Variants in HESX1 observed in about 807,000 individuals in gnomAD.
The protein encoded by HESX1 is homeobox expressed in ES cells 1.
A neutral mutation model predicts 22.5 loss-of-function variants in HESX1; 11 were observed. The ratio of observed to expected loss-of-function variants is 0.49; its 90% CI spans 0.31 to 0.81. The LOEUF is 0.81. Among genes scored for constraint, HESX1 ranks in the 30% least tolerant of loss-of-function variants. HESX1 has a pLI of 0.05. For synonymous variants in HESX1, 74 were observed against 76.5 expected (o/e 0.97, Z 0.17); for missense variants, 201 against 212.6 (o/e 0.95, Z 0.34).
At chr3:57,198,630 TG>T in intron 2 of HESX1, 122 bp downstream of exon 2, 1 of 1,040,592 alleles carries the variant, frequency 9.6e-7, no homozygotes, top group Non-Finnish European at 1.5e-6. Context: ...TGTTAAAATA[TG>T]GTAGTCTACT....
At chr3:57,201,670 T>TGGA (rs1195847932), upstream of HESX1, among the ~76,000 whole-genome samples, 3 of 150,566 alleles carry the variant, frequency 2.0e-5, no homozygotes, top group South Asian at 2.1e-4. Context: ...GTGCAGGAAG[T>TGGA]GGAGGGGTAG....
intron 1 of HESX1, among the ~76,000 whole-genome samples, chr3:57,216,784 TG>T (rs960662787): frequency 2.0e-5 from 3 of 152,234 alleles, no homozygotes; most frequent in African/African-American, 7.2e-5. Flanking sequence ...AGATGGTGTC[TG>T]CCAGGTTTCT....
At chr3:57,224,404 C>T (rs2060631273) in intron 1 of HESX1, among the ~76,000 whole-genome samples, 1 of 152,050 alleles carries the variant, frequency 6.6e-6, no homozygotes, top group Admixed American at 6.6e-5. Context: ...TCCCAAAGTG[C>T]TAGGATTACA....
At chr3:57,201,048 AT>A (rs2060482637), upstream of HESX1, among the ~76,000 whole-genome samples, 1 of 152,200 alleles carries the variant, frequency 6.6e-6, no homozygotes, top group Non-Finnish European at 1.5e-5. Flanking sequence ...CTGAAGATAA[AT>A]TTAAGTGCTT....
At position 57,198,065 on chromosome 3, in the gene HESX1, TA is replaced by T. The variant is rs2060458073; in HGVS notation, c.*131del. 4 of 707,462 alleles carry T rather than the reference TA, an allele frequency of 5.7e-6. No individual in the cohort carries two copies. Among genetic ancestry groups the T allele is most frequent in the South Asian group, 5.1e-5 (3 of 59,300 alleles). 43.8% of individuals were successfully genotyped at this position (707,462 alleles called of 1,614,324 possible). On this transcript the variant is annotated 3_prime_UTR_variant, in exon 4 of 4. Transcript: ENST00000295934. ...TACCATGCTATAATAGTATTTACAA[TA>T]TATTTTCAGAAAAAATGACAATATT...
chr3:57,217,032 T>C (rs1270123305), intron 1 of HESX1, among the ~76,000 whole-genome samples: 2 of 152,194 alleles, frequency 1.3e-5, no homozygotes, highest in Admixed American at 6.5e-5. Flanking sequence ...GACATCATTT[T>C]TGAACACTTT....
chr3:57,209,749 A>G (rs6445862), intron 1 of HESX1, among the ~76,000 whole-genome samples: 149,393 of 151,656 alleles, frequency 0.99, 73,590 homozygotes, highest in East Asian at 0.99. Flanking sequence ...GTTCTGACAT[A>G]AGAACAGTAT....
intron 1 of HESX1, among the ~76,000 whole-genome samples, chr3:57,218,734 T>G (rs1476739211): frequency 1.3e-5 from 2 of 152,206 alleles, no homozygotes; most frequent in Non-Finnish European, 2.9e-5. Context: ...TGAGCCACCA[T>G]GCCCAGCCAA....
intron 1 of HESX1, among the ~76,000 whole-genome samples, chr3:57,211,974 GT>G (rs1347440942): frequency 2.0e-5 from 3 of 152,140 alleles, no homozygotes; most frequent in African/African-American, 4.8e-5. Context: ...TGATTACAAG[GT>G]TCAGGAGAGC....
At chr3:57,204,893 C>T (rs1447531989), upstream of HESX1, among the ~76,000 whole-genome samples, 1 of 151,552 alleles carries the variant, frequency 6.6e-6, no homozygotes, top group African/African-American at 2.4e-5. Context: ...GAGATAGGGA[C>T]AGAAGTGGTA....
chr3:57,203,348 T>C (rs1345917730), upstream of HESX1, among the ~76,000 whole-genome samples: 1 of 152,064 alleles, frequency 6.6e-6, no homozygotes, highest in African/African-American at 2.4e-5. Context: ...AGAGGGTAGA[T>C]TTGGAGAGAA....
chr3:57,220,052 C>T (rs536910738), intron 1 of HESX1, among the ~76,000 whole-genome samples: 102 of 152,300 alleles, frequency 6.7e-4, no homozygotes, highest in African/African-American at 2.4e-3. Flanking sequence ...CAATCTTCGA[C>T]ATATGGCTTG....
chr3:57,218,633 G>A (rs749279495), intron 1 of HESX1, among the ~76,000 whole-genome samples: 7 of 152,030 alleles, frequency 4.6e-5, no homozygotes, highest in Non-Finnish European at 7.4e-5. Context: ...TAGTTGAGAC[G>A]GGTTTTGCCA....
At chr3:57,204,186 TA>T (rs1449756396), upstream of HESX1, among the ~76,000 whole-genome samples, 3 of 152,206 alleles carry the variant, frequency 2.0e-5, no homozygotes, top group African/African-American at 7.2e-5. Context: ...CTTTTTATTT[TA>T]TTTTATGTTT....
intron 1 of HESX1, among the ~76,000 whole-genome samples, chr3:57,199,542 C>T (rs185073164): frequency 2.6e-5 from 4 of 151,830 alleles, no homozygotes; most frequent in African/African-American, 7.2e-5. Context: ...TCGTTTGAAC[C>T]CAGGAGGCGG....
At position 57,198,133 on chromosome 3, in the gene HESX1, A is replaced by C; in HGVS notation, c.*64T>G. On this transcript the variant is annotated 3_prime_UTR_variant, in exon 4 of 4. Transcript: ENST00000295934. ...AAGAAAACATCACATTTTAACACTT[A>C]ATATTTCCACTGATTCTTCATGCTC... 9.8e-7 allele frequency: 1 copy of C among 1,016,902 alleles called. No homozygotes were observed. The highest frequency in any genetic ancestry group is 1.3e-5 in the South Asian group (1 of 76,218). 63.0% of individuals were successfully genotyped at this position (1,016,902 alleles called of 1,614,324 possible).
chr3:57,214,993 C>T (rs957498098), intron 1 of HESX1, among the ~76,000 whole-genome samples: 1 of 152,022 alleles, frequency 6.6e-6, no homozygotes, highest in Non-Finnish European at 1.5e-5. Flanking sequence ...TGAATTACTT[C>T]AGAATTAAGA....
At chr3:57,219,981 T>C (rs536025507) in intron 1 of HESX1, among the ~76,000 whole-genome samples, 113 of 152,242 alleles carry the variant, frequency 7.4e-4, no homozygotes, top group Non-Finnish European at 1.2e-3. Context: ...GGGTTTTACA[T>C]TTAAGTCTTC....
chr3:57,202,332 G>GT (rs2060495159), upstream of HESX1, among the ~76,000 whole-genome samples: 1 of 151,708 alleles, frequency 6.6e-6, no homozygotes. Flanking sequence ...ACAGATTTTT[G>GT]TTTGTTTGTT....
Sources: gnomAD v4.1 joint callset for allele counts (sites outside exome capture counted in the v4.1 genomes callset) on GRCh38, gnomAD v4.1.1 for gene constraint, MANE v1.5 for transcripts, NCBI Gene and HGNC (gene_info 2026-07-23, HGNC 2026-07-21) for gene names.